Variants in MGAT5B observed in about 807,000 individuals in gnomAD.
MGAT5B encodes the protein alpha-1,6-mannosylglycoprotein 6-beta-N-acetylglucosaminyltransferase B, also known as N-acetylglucosaminyl-transferase Vb.
A neutral mutation model predicts 95.1 loss-of-function variants in MGAT5B; 54 were observed. The observed-to-expected ratio is 0.57, with a 90% CI of 0.46 to 0.71. The LOEUF (loss-of-function observed/expected upper bound fraction) is 0.71, where lower values mean the gene tolerates loss of function less well. MGAT5B is among the 30% of genes least tolerant of loss of function. The pLI is 0.00. For synonymous variants in MGAT5B, 464 were observed against 451.0 expected, an observed-to-expected ratio of 1.03 and a Z score of -0.36; for missense variants, 935 against 1,088.6, an observed-to-expected ratio of 0.86 and a Z score of 1.99.
At chr17:76,890,484 G>A (rs1193527002) in intron 3 of MGAT5B, among the ~76,000 whole-genome samples, 1 of 152,142 alleles carries the variant, frequency 6.6e-6, no homozygotes, top group Non-Finnish European at 1.5e-5. Context: ...TAGCCTCGGG[G>A]GCTCATAGAC....
chr17:76,891,360 T>C (rs1967861431), intron 3 of MGAT5B, among the ~76,000 whole-genome samples: 1 of 151,854 alleles, frequency 6.6e-6, no homozygotes, highest in Non-Finnish European at 1.5e-5. Context: ...TACCATCACA[T>C]TGAGGGTTAG....
chr17:76,915,466 G>A lies in MGAT5B; in HGVS notation c.1025+9279G>A, dbSNP rs1387350348. Among the ~76,000 whole-genome samples, 2 of 152,134 alleles carry A rather than the reference G, an allele frequency of 1.3e-5. No individual in the cohort carries two copies. The highest frequency in any genetic ancestry group is 4.8e-5 in the African/African-American group (2 of 41,416). On this transcript the variant is annotated intron_variant, in intron 8 of 17. Transcript: ENST00000569840. This position sits in a 1 kb window ranked among gnomAD's most constrained non-coding sequence, Gnocchi z 8.7. ...GAGACGCGAGGAAGTGGACAAGACC[G>A]AAAAACAACCCTCGGGCTCTACCAG...
chr17:76,872,138 C>T (rs927137748), intron 1 of MGAT5B, among the ~76,000 whole-genome samples: 4 of 152,114 alleles, frequency 2.6e-5, no homozygotes, highest in African/African-American at 4.8e-5. Flanking sequence ...CTGGCCAGTC[C>T]GTGGTGCAGG....
chr17:76,909,302 T>G (rs181589856), intron 8 of MGAT5B, among the ~76,000 whole-genome samples: 1 of 152,188 alleles, frequency 6.6e-6, no homozygotes, highest in African/African-American at 2.4e-5. Context: ...CTTCTATCTA[T>G]CTATATGTTT....
Position 76,940,443 on chromosome 17 carries a change from C to T in MGAT5B, c.1626C>T (p.Pro542=). Residue 542 remains proline, a synonymous_variant, in exon 14 of 18, where the codon CCC becomes CCT. Transcript: ENST00000569840. This position sits in a 1 kb window ranked among gnomAD's most constrained non-coding sequence, Gnocchi z 4.3. ...GFGFPYEGPA[P]LEAIANGCIF... ...GCTTCCCCTACGAGGGCCCCGCCCC[C>T]CTGGAGGCCATCGCCAATGGTTGCA... The T allele has an allele frequency of 1.1e-5, 18 of 1,613,690 alleles. No individual in the cohort carries two copies. Among genetic ancestry groups the T allele is most frequent in the East Asian group, 2.2e-5 (1 of 44,872 alleles).
chr17:76,934,099 T>C (rs573274010), intron 12 of MGAT5B, among the ~76,000 whole-genome samples: 28 of 152,298 alleles, frequency 1.8e-4, no homozygotes, highest in African/African-American at 6.5e-4. Context: ...CTGGGTTCTA[T>C]GACTGAGGAA....
In MGAT5B at chr17:76,868,894, C is replaced by T. The variant is rs1358262891; in HGVS notation, c.-136C>T. The T allele has an allele frequency of 9.6e-6, 7 of 729,814 alleles. No homozygotes were observed. In the Admixed American group the frequency reaches 1.7e-4, roughly 18 times the overall value. The allele number at this position is 729,814 out of a possible 1,614,324, so 45.2% of individuals were successfully genotyped here. A position where few individuals can be genotyped will look rare whatever the true frequency, so the allele number is the denominator to read the frequency against. On this transcript the variant is annotated 5_prime_UTR_variant, in exon 1 of 18. Coordinates refer to ENST00000569840, the MANE Select transcript of MGAT5B (RefSeq NM_001199172.2). The surrounding 1 kb of genome is among the most constrained non-coding windows in gnomAD (Gnocchi z 6.3). ...GCCCAGGCCTGAGCAGCGAGGCCAC[C>T]GGGCCGCGCGCTCCCAGCTTCGCTC...
In MGAT5B at chr17:76,928,167, C is replaced by G. The variant is rs562104298; in HGVS notation, c.1291+1437C>G. Among the ~76,000 whole-genome samples, 3 of 152,214 alleles carry G rather than the reference C, an allele frequency of 2.0e-5. No homozygotes were observed. In the East Asian group the frequency reaches 5.8e-4, roughly 29 times the overall value. On this transcript the variant is annotated intron_variant, in intron 10 of 17. Coordinates refer to ENST00000569840, the MANE Select transcript of MGAT5B (RefSeq NM_001199172.2). ...AGGCCCAGAGAGGTAGAGCATGCAG[C>G]CTGAGGTCACACAGCTCAGTCGGGA...
At position 76,917,025 on chromosome 17, in the gene MGAT5B, C is replaced by T. The variant is rs1019503559; in HGVS notation, c.1026-7941C>T. On this transcript the variant is annotated intron_variant, in intron 8 of 17. Coordinates refer to ENST00000569840, the MANE Select transcript of MGAT5B (RefSeq NM_001199172.2). This position sits in a 1 kb window ranked among gnomAD's most constrained non-coding sequence, Gnocchi z 6.1. ...ACGAATAACCCCCTAGCACTCTTCC[C>T]GACTACGCTGTCAGGTTTGAGTCAG... 2.6e-5 allele frequency among the ~76,000 whole-genome samples: 4 copies of T among 152,124 alleles called. No individual in the cohort carries two copies. The highest frequency in any genetic ancestry group is 2.1e-4 in the South Asian group (1 of 4,826).
In MGAT5B at chr17:76,870,805, G is replaced by A. The variant is rs1271949248; in HGVS notation, c.68+1708G>A. Among the ~76,000 whole-genome samples the A allele has an allele frequency of 6.6e-6, 1 of 151,672 alleles. No homozygotes were observed. Among genetic ancestry groups the A allele is most frequent in the Non-Finnish European group, 1.5e-5 (1 of 67,910 alleles). On this transcript the variant is annotated intron_variant, in intron 1 of 17. Transcript: ENST00000569840. This position sits in a 1 kb window ranked among gnomAD's most constrained non-coding sequence, Gnocchi z 5.0. ...TATTCATCCTCAAAGGCAGGCTGGG[G>A]TCCTGTTCCCTGTGGTTTTCCCAGG...
intron 3 of MGAT5B, among the ~76,000 whole-genome samples, chr17:76,895,050 G>A (rs1458138974): frequency 1.3e-5 from 2 of 152,084 alleles, no homozygotes; most frequent in African/African-American, 4.8e-5. Flanking sequence ...AGCAAGTGAG[G>A]CTTCGTCCGT....
intron 5 of MGAT5B, among the ~76,000 whole-genome samples, chr17:76,903,669 C>T (rs1968407611): frequency 6.6e-6 from 1 of 152,224 alleles, no homozygotes; most frequent in Admixed American, 6.5e-5. Flanking sequence ...CCTGGCCCAG[C>T]CAACAGCTGG....
rs538427416 is a variant in MGAT5B, at chr17:76,946,454, A to G, written c.1923+4A>G. 16 of 1,582,384 alleles carry G rather than the reference A, an allele frequency of 1.0e-5. No individual in the cohort carries two copies. In the Admixed American group the frequency reaches 2.3e-4, roughly 23 times the overall value. ...CCACGCCTACATCCAGCACCAGGTC[A>G]GTGAGCCCTCTGGTCCCTGCCCCAG... On this transcript the variant is annotated splice_donor_region_variant and intron_variant, in intron 16 of 17. Coordinates refer to ENST00000569840, the MANE Select transcript of MGAT5B (RefSeq NM_001199172.2).
In MGAT5B at chr17:76,948,817, C is replaced by A; in HGVS notation, c.2358C>A (p.Ala786=). 1 of 1,603,974 alleles carries A rather than the reference C, an allele frequency of 6.2e-7. No homozygotes were observed. Among genetic ancestry groups the A allele is most frequent in the Non-Finnish European group, 8.5e-7 (1 of 1,176,338 alleles). Residue 786 remains alanine (A), a synonymous_variant, in exon 18 of 18, where the codon GCC becomes GCA. Coordinates refer to ENST00000569840, the MANE Select transcript of MGAT5B (RefSeq NM_001199172.2). ...GCGACTTCCGCAAGGGCCAGGTGGC[C>A]TTGTGCCAGGGCTGTCTGTGAATCC... ...PCRDFRKGQV[A]LCQGCL is the part of the protein sequence containing the mutation.
At chr17:76,921,551 C>G (rs927659456) in intron 8 of MGAT5B, among the ~76,000 whole-genome samples, 8 of 152,112 alleles carry the variant, frequency 5.3e-5, no homozygotes, top group African/African-American at 1.9e-4. Context: ...TCAGGTGGGG[C>G]TCAGCGGGGG....
chr17:76,909,065 C>T (rs1251996578), intron 8 of MGAT5B, among the ~76,000 whole-genome samples: 1 of 152,148 alleles, frequency 6.6e-6, no homozygotes, highest in African/African-American at 2.4e-5. Context: ...CTTTGGCCTC[C>T]CAAAGTGCTG....
At chr17:76,932,824 C>A in intron 11 of MGAT5B, 49 bp downstream of exon 11, 2 of 1,600,948 alleles carry the variant, frequency 1.2e-6, no homozygotes, top group Non-Finnish European at 1.7e-6. Flanking sequence ...TCGGCACAGG[C>A]CCCCGCCTGG....
At chr17:76,874,653 G>T (rs958295627) in intron 2 of MGAT5B, among the ~76,000 whole-genome samples, 3 of 152,046 alleles carry the variant, frequency 2.0e-5, no homozygotes, top group Non-Finnish European at 2.9e-5. Flanking sequence ...GGGGTTTTTG[G>T]CCGGGCTCTG....
Position 76,882,316 on chromosome 17 carries a change from G to A in MGAT5B, c.329+18G>A. The A allele has an allele frequency of 1.3e-6, 2 of 1,589,120 alleles. No homozygotes were observed. Among genetic ancestry groups the A allele is most frequent in the Non-Finnish European group, 1.7e-6 (2 of 1,169,240 alleles). On this transcript the variant is annotated intron_variant, in intron 3 of 17. Coordinates refer to ENST00000569840, the MANE Select transcript of MGAT5B (RefSeq NM_001199172.2). ...GCAGACAGGTGAGGGGACGTGGGGA[G>A]GAGGCACACGGAGCAGGGGAGCGGT...
Sources: allele counts gnomAD v4.1 joint callset (sites outside exome capture counted in the v4.1 genomes callset), GRCh38; gene constraint gnomAD v4.1.1; non-coding constraint Gnocchi (gnomAD v3.1); transcripts MANE v1.5; gene names NCBI Gene and HGNC (gene_info 2026-07-23, HGNC 2026-07-21).